DENND10: variants seen among roughly 807,000 people sequenced by gnomAD.
DENND10 encodes the protein DENN domain-containing protein 10.
In DENND10, 24 loss-of-function variants were observed where a neutral mutation model predicts 43.6. The observed-to-expected ratio is 0.55, with a 90% CI of 0.40 to 0.77. The LOEUF (loss-of-function observed/expected upper bound fraction) is 0.77, where lower values mean the gene tolerates loss of function less well. DENND10 is among the 30% of genes least tolerant of loss of function. The pLI, the probability that DENND10 is intolerant of heterozygous loss-of-function variation, is 0.00. For synonymous variants in DENND10, 125 were observed against 157.6 expected, an observed-to-expected ratio of 0.79 and a Z score of 1.55; for missense variants, 303 against 429.9, an observed-to-expected ratio of 0.70 and a Z score of 2.61.
intron 6 of DENND10, among the ~76,000 whole-genome samples, chr10:119,124,389 A>AT (rs1300220250): frequency 5.4e-5 from 8 of 149,056 alleles, no homozygotes; most frequent in African/African-American, 1.5e-4. Context: ...AAAAAAAAAA[A>AT]AATTAGCCGG....
rs9664177 is a variant in DENND10, at chr10:119,106,186, G to A, written c.56-1782G>A. 2.7e-3 allele frequency among the ~76,000 whole-genome samples: 417 copies of A among 152,240 alleles called. 2 individuals are homozygous for A. Among genetic ancestry groups the A allele is most frequent in the African/African-American group, 9.2e-3 (382 of 41,538 alleles). On this transcript the variant is annotated intron_variant, in intron 1 of 8. Transcript: ENST00000361432. ...TGCAGTGAGCTGAGATTGCGCCACC[G>A]CACTGCAGCCCAAGTGACAGAGTTA...
chr10:119,121,389 T>A (rs1845566700), intron 5 of DENND10, among the ~76,000 whole-genome samples: 1 of 151,336 alleles, frequency 6.6e-6, no homozygotes, highest in Admixed American at 6.6e-5. Context: ...CAAGTGATTC[T>A]CCTGCCTCCG....
In DENND10 at chr10:119,105,609, T is replaced by C. The variant is rs556904968; in HGVS notation, c.55+1412T>C. ...AACTAAGGCTAAGTTAAACTGTCTT[T>C]ATCTACTAATAGCAAATAAAAAGAT... On this transcript the variant is annotated intron_variant, in intron 1 of 8. Transcript: ENST00000361432. 8.4e-5 allele frequency: 50 copies of C among 596,060 alleles called. No individual in the cohort carries two copies. The African/African-American group carries it at 8.8e-4, about 10-fold the overall frequency. 36.9% of individuals were successfully genotyped at this position (596,060 alleles called of 1,614,324 possible).
At chr10:119,107,182 T>C (rs933200825) in intron 1 of DENND10, among the ~76,000 whole-genome samples, 1 of 151,918 alleles carries the variant, frequency 6.6e-6, no homozygotes, top group African/African-American at 2.4e-5. Flanking sequence ...CTGGGCATGG[T>C]GGTGGGCACC....
At chr10:119,135,304 T>C (rs1207596690) in intron 8 of DENND10, 1 of 152,190 alleles carries the variant, frequency 6.6e-6, no homozygotes, top group Admixed American at 6.5e-5. Flanking sequence ...ACTGTACTCG[T>C]ATGGAAATAT....
intron 4 of DENND10, among the ~76,000 whole-genome samples, 190 bp downstream of exon 4, chr10:119,117,857 C>T (rs1845372267): frequency 6.6e-6 from 1 of 152,082 alleles, no homozygotes; most frequent in Admixed American, 6.6e-5. Flanking sequence ...ATCCCAGCTA[C>T]TCGGGAGGCT....
Position 119,111,866 on chromosome 10 carries a change from T to A in DENND10, c.270T>A (p.Ile90=). The A allele has an allele frequency of 6.2e-7, 1 of 1,613,194 alleles. No individual in the cohort carries two copies. Among genetic ancestry groups the A allele is most frequent in the Non-Finnish European group, 8.5e-7 (1 of 1,179,232 alleles). The change falls in exon 3 of 9, where the codon ATT becomes ATA. Residue 90 remains isoleucine, a synonymous_variant. Coordinates refer to ENST00000361432, the MANE Select transcript of DENND10 (RefSeq NM_207009.4). Reference sequence around the variant, plus strand: ...TTGAACAGGTGACTCATTTTTCTATTGTCCTGACCGCCAAAGATTTTAACC... The same window carrying A: ...TTGAACAGGTGACTCATTTTTCTATAGTCCTGACCGCCAAAGATTTTAACC... ...SILKKVTHFS[I]VLTAKDFNPE...
At chr10:119,125,587 G>A (rs1057391740) in intron 6 of DENND10, among the ~76,000 whole-genome samples, 16 of 143,012 alleles carry the variant, frequency 1.1e-4, no homozygotes, top group Middle Eastern at 3.5e-3. Flanking sequence ...AGCATACTAC[G>A]GCCTCCACCT....
chr10:119,117,998 A>T (rs550075195), intron 4 of DENND10, among the ~76,000 whole-genome samples: 85 of 152,222 alleles, frequency 5.6e-4, no homozygotes, highest in African/African-American at 2.0e-3. Context: ...AAAAGAAGGT[A>T]AAAACAAAAC....
intron 7 of DENND10, among the ~76,000 whole-genome samples, chr10:119,130,882 A>G (rs1846055973): frequency 6.6e-6 from 1 of 152,190 alleles, no homozygotes; most frequent in Non-Finnish European, 1.5e-5. Context: ...GCGTTTTATA[A>G]TCTTGCCTTG....
Position 119,117,524 on chromosome 10 carries a change from A to T in DENND10, c.338A>T (p.Tyr113Phe), listed in dbSNP as rs1000843138. 2 of 1,613,040 alleles carry T rather than the reference A, an allele frequency of 1.2e-6. No individual in the cohort carries two copies. Among genetic ancestry groups the T allele is most frequent in the African/African-American group, 2.7e-5 (2 of 74,880 alleles). ...AAFTRILCRM[Y>F]LKHGSPVKMM... is the part of the protein sequence containing the mutation. ...TTTGTTGTCCTTTCTTACAGAATGT[A>T]CCTGAAACATGGGAGCCCAGTTAAA... Residue 113 changes from tyrosine to phenylalanine, a missense_variant, in exon 4 of 9, where the codon TAC becomes TTC. Physicochemically the swap from Tyr to Phe is conservative, Grantham distance 22. Coordinates refer to ENST00000361432, the MANE Select transcript of DENND10 (RefSeq NM_207009.4).
intron 5 of DENND10, among the ~76,000 whole-genome samples, chr10:119,122,084 A>G (rs1228599782): frequency 6.6e-6 from 1 of 152,036 alleles, no homozygotes; most frequent in Non-Finnish European, 1.5e-5. Flanking sequence ...AGGTTAGCAG[A>G]TTGCCTGAGA....
intron 1 of DENND10, among the ~76,000 whole-genome samples, chr10:119,106,053 G>A (rs1367817637): frequency 6.6e-6 from 1 of 152,114 alleles, no homozygotes; most frequent in Non-Finnish European, 1.5e-5. Flanking sequence ...AATTAACTGG[G>A]CGTGGTGGTG....
chr10:119,108,210 C>T (rs892393836), intron 2 of DENND10, 46 bp downstream of exon 2: 12 of 1,397,754 alleles, frequency 8.6e-6, no homozygotes, highest in East Asian at 2.3e-5. Flanking sequence ...ATAGGCTGGG[C>T]GCGGTGGCTC....
chr10:119,126,090 A>G (rs1454532924), intron 6 of DENND10, among the ~76,000 whole-genome samples: 1 of 152,184 alleles, frequency 6.6e-6, no homozygotes, highest in Non-Finnish European at 1.5e-5. Flanking sequence ...TTTACTTAAC[A>G]TGATGCCTCC....
chr10:119,124,393 T>A (rs10886392), intron 6 of DENND10, among the ~76,000 whole-genome samples: 77,360 of 139,076 alleles, frequency 0.56, 21,634 homozygotes, highest in South Asian at 0.68. Flanking sequence ...AAAAAAAAAT[T>A]AGCCGGGTGT....
At chr10:119,122,232 C>G (rs1296971408) in intron 5 of DENND10, among the ~76,000 whole-genome samples, 1 of 152,168 alleles carries the variant, frequency 6.6e-6, no homozygotes, top group Non-Finnish European at 1.5e-5. Context: ...CGCTTGAGCC[C>G]AGGAGGTGGA....
intron 5 of DENND10, among the ~76,000 whole-genome samples, chr10:119,123,008 C>T (rs1845645948): frequency 6.6e-6 from 1 of 152,212 alleles, no homozygotes; most frequent in African/African-American, 2.4e-5. Context: ...TGGCTCACGC[C>T]TGTAATCCCA....
rs765570555 is a variant in DENND10, at chr10:119,117,518, G to C, written c.333-1G>C. Reference sequence around the variant, plus strand: ...AGTTGCTTTGTTGTCCTTTCTTACAGAATGTACCTGAAACATGGGAGCCCA... The same window carrying C: ...AGTTGCTTTGTTGTCCTTTCTTACACAATGTACCTGAAACATGGGAGCCCA... On this transcript the variant is annotated splice_acceptor_variant, in intron 3 of 8. Transcript: ENST00000361432. LOFTEE classifies it high-confidence loss of function. 1.2e-6 allele frequency: 2 copies of C among 1,612,198 alleles called. No individual in the cohort carries two copies. Among genetic ancestry groups the C allele is most frequent in the Admixed American group, 3.3e-5 (2 of 59,744 alleles).
Sources: allele counts gnomAD v4.1 joint callset (sites outside exome capture counted in the v4.1 genomes callset), GRCh38; gene constraint gnomAD v4.1.1; transcripts MANE v1.5; gene names NCBI Gene and HGNC (gene_info 2026-07-23, HGNC 2026-07-21).